CADPS2: variants seen among roughly 807,000 people sequenced by gnomAD.
The protein encoded by CADPS2 is calcium-dependent secretion activator 2.
CADPS2 carries 93 observed loss-of-function variants against 172.5 expected under a neutral mutation model. The observed-to-expected ratio is 0.54, with a 90% CI of 0.46 to 0.64. CADPS2 has a LOEUF of 0.64. Among genes scored for constraint, CADPS2 ranks in the 30% least tolerant of loss-of-function variants. The pLI is 0.00. For synonymous variants in CADPS2, 546 were observed against 555.2 expected (o/e 0.98, Z 0.23); for missense variants, 1,420 against 1,565.9 (o/e 0.91, Z 1.57).
rs62474642 is a variant in CADPS2 at position 122,597,860 on chromosome 7, T to A, written c.1224-16570A>T. On this transcript the variant is annotated intron_variant, in intron 6 of 29. Coordinates refer to ENST00000449022, the MANE Select transcript of CADPS2 (RefSeq NM_017954.11). ...GGTATAAATCTATTAAGCATATCTT[T>A]CAATGAGAGCATACAGAACTTTTGG... is the stretch of plus-strand genomic sequence containing the variant. Among the ~76,000 whole-genome samples the A allele has an allele frequency of 4.3e-3, 660 of 152,188 alleles. 4 individuals carry two copies. Among genetic ancestry groups the A allele is most frequent in the Admixed American group, 6.8e-3 (104 of 15,276 alleles).
chr7:122,557,981 C>A (rs2065243904), intron 7 of CADPS2, among the ~76,000 whole-genome samples: 1 of 152,092 alleles, frequency 6.6e-6, no homozygotes, highest in South Asian at 2.1e-4. Flanking sequence ...CAGAGAACAC[C>A]AATACCTAGG....
At chr7:122,498,903 C>T (rs559427210) in intron 9 of CADPS2, among the ~76,000 whole-genome samples, 1 of 152,046 alleles carries the variant, frequency 6.6e-6, no homozygotes, top group East Asian at 1.9e-4. Flanking sequence ...AGATTGTGAG[C>T]TAATAATAAA....
At chr7:122,364,722 AT>A (rs1198820282) in intron 25 of CADPS2, among the ~76,000 whole-genome samples, 1 of 100,002 alleles carries the variant, frequency 1.0e-5, no homozygotes, top group Non-Finnish European at 2.1e-5. Context: ...GTGAGACTCC[AT>A]CTCAAAAAAA....
intron 3 of CADPS2, among the ~76,000 whole-genome samples, chr7:122,654,448 G>C (rs2079516673): frequency 6.6e-6 from 1 of 152,198 alleles, no homozygotes; most frequent in Non-Finnish European, 1.5e-5. Context: ...GTGAGTTTAG[G>C]TTGAAGCTAA....
intron 14 of CADPS2, among the ~76,000 whole-genome samples, chr7:122,459,059 C>T (rs955154778): frequency 4.6e-5 from 7 of 151,656 alleles, no homozygotes; most frequent in Admixed American, 4.6e-4. Flanking sequence ...TATAAATATG[C>T]CAACCAGAAA....
rs553456727 is a variant in CADPS2 at position 122,724,565 on chromosome 7, CA to C, written c.453+12389del. On this transcript the variant is annotated intron_variant, in intron 2 of 29. Coordinates refer to ENST00000449022, the MANE Select transcript of CADPS2 (RefSeq NM_017954.11). ...CATTTAGCTAAGGCAGTGTACTTAG[CA>C]ATTTAACTTCATTAACTGGTTCAAT... is the stretch of plus-strand genomic sequence containing the variant. 1.3e-3 allele frequency among the ~76,000 whole-genome samples: 193 copies of C among 152,114 alleles called. 5 individuals carry two copies. In the South Asian group the frequency reaches 0.038, roughly 30 times the overall value.
chr7:122,337,720 T>C (rs12533577), intron 28 of CADPS2, among the ~76,000 whole-genome samples: 3,668 of 149,522 alleles, frequency 0.025, 140 homozygotes, highest in African/African-American at 0.085. Context: ...ACAGCGGTAA[T>C]TCGAGAGCAG....
intron 2 of CADPS2, among the ~76,000 whole-genome samples, chr7:122,695,844 G>GA (rs1330905077): frequency 6.6e-6 from 1 of 152,166 alleles, no homozygotes; most frequent in Non-Finnish European, 1.5e-5. Context: ...AAAAGGAGGA[G>GA]AAAAAAGAAA....
intron 2 of CADPS2, among the ~76,000 whole-genome samples, chr7:122,675,384 T>C (rs1301722365): frequency 2.0e-5 from 3 of 152,216 alleles, no homozygotes; most frequent in Non-Finnish European, 4.4e-5. Flanking sequence ...GTGCCTCCTC[T>C]GATTTCAAGT....
At chr7:122,387,503 T>C (rs935648983) in intron 23 of CADPS2, among the ~76,000 whole-genome samples, 2 of 152,078 alleles carry the variant, frequency 1.3e-5, no homozygotes, top group Non-Finnish European at 2.9e-5. Context: ...GAATTAATTG[T>C]CTGAATTTCC....
intron 24 of CADPS2, among the ~76,000 whole-genome samples, chr7:122,382,949 T>C (rs1247778614): frequency 6.6e-6 from 1 of 152,102 alleles, no homozygotes; most frequent in African/African-American, 2.4e-5. Context: ...AGCAATCCCA[T>C]TACTGGGTAC....
intron 5 of CADPS2, among the ~76,000 whole-genome samples, chr7:122,617,520 A>C (rs1326927533): frequency 6.6e-6 from 1 of 152,204 alleles, no homozygotes; most frequent in Non-Finnish European, 1.5e-5. Context: ...TAAGCATAAA[A>C]TAAAGTTGTC....
rs1563948463 is a variant in CADPS2 at position 122,645,393 on chromosome 7, G to GTACATATACACATATGTACATGTGTGTA, written c.787-16066_787-16065insTACACACATGTACATATGTGTATATGTA. On this transcript the variant is annotated intron_variant, in intron 3 of 29. Transcript: ENST00000449022. ...TATACACACATATGTACATGTGTGT[G>GTACATATACACATATGTACATGTGTGTA]TATATATGTACATATACACACATGT... is the stretch of plus-strand genomic sequence containing the variant. Among the ~76,000 whole-genome samples the GTACATATACACATATGTACATGTGTGTA allele has an allele frequency of 6.9e-4, 38 of 54,802 alleles. 2 individuals are homozygous for GTACATATACACATATGTACATGTGTGTA. The highest frequency in any genetic ancestry group is 1.6e-3 in the Non-Finnish European group (36 of 23,022). The allele number at this position is 54,802 out of a possible 152,430, so 36.0% of individuals were successfully genotyped here.
intron 28 of CADPS2, among the ~76,000 whole-genome samples, chr7:122,337,215 A>T (rs1042745174): frequency 6.6e-5 from 10 of 152,154 alleles, no homozygotes; most frequent in African/African-American, 2.2e-4. Flanking sequence ...AGCACTACCA[A>T]ATCCTGCTGA....
At chr7:122,857,493 T>C (rs945623083) in intron 1 of CADPS2, among the ~76,000 whole-genome samples, 1 of 152,180 alleles carries the variant, frequency 6.6e-6, no homozygotes, top group African/African-American at 2.4e-5. Flanking sequence ...TGGGAAGCCC[T>C]GAGTATGCAG....
At chr7:122,800,315 A>G (rs1797335246) in intron 1 of CADPS2, among the ~76,000 whole-genome samples, 1 of 152,242 alleles carries the variant, frequency 6.6e-6, no homozygotes, top group South Asian at 2.1e-4. Context: ...TAAAAAGCAC[A>G]TAGAGGTTCA....
At chr7:122,642,395 C>T (rs2077758927) in intron 3 of CADPS2, among the ~76,000 whole-genome samples, 2 of 152,032 alleles carry the variant, frequency 1.3e-5, no homozygotes, top group Admixed American at 6.5e-5. Flanking sequence ...TGCATGGGAG[C>T]AGCTCTGGGA....
intron 27 of CADPS2, chr7:122,357,550 A>T (rs1019220521): frequency 1.3e-5 from 2 of 152,284 alleles, no homozygotes; most frequent in Admixed American, 6.5e-5. Flanking sequence ...TTTGGTTTTG[A>T]CAAATGCACA....
At chr7:122,881,646 T>C (rs1822964813) in intron 1 of CADPS2, among the ~76,000 whole-genome samples, 2 of 152,192 alleles carry the variant, frequency 1.3e-5, no homozygotes, top group Non-Finnish European at 2.9e-5. Flanking sequence ...ATTTTTGGAC[T>C]ATCATCAGAT....
Sources: allele counts gnomAD v4.1 joint callset (sites outside exome capture counted in the v4.1 genomes callset), GRCh38; gene constraint gnomAD v4.1.1; transcripts MANE v1.5; gene names NCBI Gene and HGNC (gene_info 2026-07-23, HGNC 2026-07-21).